The following SLC66A2 variants were observed in gnomAD, a reference collection of about 807,000 sequenced individuals.
SLC66A2 encodes PQ loop repeat containing 1.
Under a neutral mutation model 25.5 loss-of-function variants are expected in SLC66A2, and 23 were observed. The observed-to-expected ratio is 0.90, with a 90% CI of 0.65 to 1.28. The LOEUF is 1.28. Ranked by LOEUF, SLC66A2 falls within the 50% of genes most tolerant of loss-of-function variation. SLC66A2 has a pLI of 0.00. For synonymous variants in SLC66A2, 193 were observed against 166.5 expected, an observed-to-expected ratio of 1.16 and a Z score of -1.23; for missense variants, 396 against 373.1, an observed-to-expected ratio of 1.06 and a Z score of -0.51.
intron 2 of SLC66A2, among the ~76,000 whole-genome samples, chr18:79,946,092 C>T (rs1427709148): frequency 2.0e-5 from 3 of 152,124 alleles, no homozygotes; most frequent in Non-Finnish European, 2.9e-5. Flanking sequence ...GAGGAGGAGG[C>T]GGGTGAATCA....
At chr18:79,933,556 C>T (rs527720493) in intron 4 of SLC66A2, among the ~76,000 whole-genome samples, 3 of 152,176 alleles carry the variant, frequency 2.0e-5, no homozygotes, top group Non-Finnish European at 4.4e-5. Context: ...GATACAAGAT[C>T]AACATGCAAT....
Position 79,904,027 on chromosome 18 carries a change from G to A in SLC66A2, c.765C>T (p.Pro255=). ...LGQAYAFARH[P]QKPAPHAVHP... The stretch of plus-strand genomic sequence containing the variant: ...GCACGGCGTGGGGCGCCGGCTTCTG[G>A]GGGTGGCGGGCGAAGGCGTAGGCCT... The change falls in exon 6 of 6, where the codon CCC becomes CCT. Residue 255 remains proline (P), a synonymous_variant. Transcript: ENST00000397778. This position sits in a 1 kb window ranked among gnomAD's most constrained non-coding sequence, Gnocchi z 6.3. 1.9e-6 allele frequency: 3 copies of A among 1,606,084 alleles called. No homozygotes were observed. The highest frequency in any genetic ancestry group is 2.5e-6 in the Non-Finnish European group (3 of 1,177,104).
rs140188654 is a variant in SLC66A2, at chr18:79,940,511, T to C, written c.337+2818A>G. ...AAAGCTTAAAAAAAAAAACAGAACA[T>C]GTTCAGAGCCAACAACCTTCCCTTA... On this transcript the variant is annotated intron_variant, in intron 3 of 5. Coordinates refer to ENST00000397778, the MANE Select transcript of SLC66A2 (RefSeq NM_025078.5). The surrounding 1 kb of genome is among the most constrained non-coding windows in gnomAD (Gnocchi z 4.1). 1.3e-5 allele frequency among the ~76,000 whole-genome samples: 2 copies of C among 150,588 alleles called. No individual in the cohort carries two copies. Among genetic ancestry groups the C allele is most frequent in the East Asian group, 3.9e-4 (2 of 5,136 alleles).
At chr18:79,913,351 T>A (rs959580918) in intron 5 of SLC66A2, among the ~76,000 whole-genome samples, 1 of 152,150 alleles carries the variant, frequency 6.6e-6, no homozygotes, top group African/African-American at 2.4e-5. Context: ...CACCCTCCAA[T>A]CCTTGTCAGG....
intron 3 of SLC66A2, among the ~76,000 whole-genome samples, chr18:79,938,172 A>G (rs1417091877): frequency 6.6e-6 from 1 of 152,052 alleles, no homozygotes; most frequent in Non-Finnish European, 1.5e-5. Flanking sequence ...AAGAAAGAAA[A>G]AAGAAAAACC....
Position 79,928,270 on chromosome 18 carries a change from G to A in SLC66A2, c.391+5699C>T, listed in dbSNP as rs1461366958. ...GTTTTGGGCTACCTACTTCTAAAGA[G>A]GACTTCAGGACAGTTCCAGGAGTTC... On this transcript the variant is annotated intron_variant, in intron 4 of 5. Transcript: ENST00000397778. Among the ~76,000 whole-genome samples, 3 of 152,342 alleles carry A rather than the reference G, an allele frequency of 2.0e-5. No individual in the cohort carries two copies. In the East Asian group the frequency reaches 5.8e-4, roughly 29 times the overall value.
Position 79,941,903 on chromosome 18 carries a change from G to A in SLC66A2, c.337+1426C>T, listed in dbSNP as rs1387972251. The stretch of plus-strand genomic sequence containing the variant: ...AAATGTCCAGAGCCCGAGGACAGCA[G>A]AAACTCCCAGCAACGCACTGGGCAT... On this transcript the variant is annotated intron_variant, in intron 3 of 5. Transcript: ENST00000397778. This position sits in a 1 kb window ranked among gnomAD's most constrained non-coding sequence, Gnocchi z 4.1. Among the ~76,000 whole-genome samples, 1 of 151,796 alleles carries A rather than the reference G, an allele frequency of 6.6e-6. No homozygotes were observed. Among genetic ancestry groups the A allele is most frequent in the Non-Finnish European group, 1.5e-5 (1 of 67,968 alleles).
Position 79,940,072 on chromosome 18 carries a change from C to A in SLC66A2, c.337+3257G>T, listed in dbSNP as rs1240354948. Among the ~76,000 whole-genome samples the A allele has an allele frequency of 6.6e-6, 1 of 152,134 alleles. No homozygotes were observed. The highest frequency in any genetic ancestry group is 1.5e-5 in the Non-Finnish European group (1 of 68,046). On this transcript the variant is annotated intron_variant, in intron 3 of 5. Coordinates refer to ENST00000397778, the MANE Select transcript of SLC66A2 (RefSeq NM_025078.5). The surrounding 1 kb of genome is among the most constrained non-coding windows in gnomAD (Gnocchi z 4.1). The stretch of plus-strand genomic sequence containing the variant: ...GCCATAAAAGAGAACAAGATCGTAT[C>A]CTTTAGAGGAGCACAGATGGAGCTG...
chr18:79,924,174 G>C (rs1985640754), intron 4 of SLC66A2, among the ~76,000 whole-genome samples: 1 of 152,220 alleles, frequency 6.6e-6, no homozygotes, highest in Admixed American at 6.5e-5. Flanking sequence ...CACGAGGCGA[G>C]GCAGCTGAGA....
At chr18:79,939,352 C>T (rs950391091) in intron 3 of SLC66A2, among the ~76,000 whole-genome samples, 22 of 152,168 alleles carry the variant, frequency 1.4e-4, no homozygotes, top group Admixed American at 2.6e-4. Flanking sequence ...GGGTGAGGCT[C>T]AAGAATGTAC....
At chr18:79,950,597 C>T in intron 2 of SLC66A2, 127 bp downstream of exon 2, 1 of 852,092 alleles carries the variant, frequency 1.2e-6, no homozygotes, top group Non-Finnish European at 1.9e-6. Flanking sequence ...ACCCCATCCA[C>T]GGCAGAGTGG....
intron 2 of SLC66A2, 32 bp from the exon 3 acceptor site, chr18:79,943,494 T>A: frequency 6.3e-7 from 1 of 1,598,210 alleles, no homozygotes; most frequent in Non-Finnish European, 8.5e-7. Context: ...AGGAGGGAGG[T>A]CCACCCATGC....
chr18:79,912,775 T>C (rs1156919057), intron 5 of SLC66A2, among the ~76,000 whole-genome samples: 1 of 152,110 alleles, frequency 6.6e-6, no homozygotes, highest in African/African-American at 2.4e-5. Flanking sequence ...CACTTTGTAA[T>C]GTTCCAGAGC....
At chr18:79,906,842 G>T (rs1048093820) in intron 5 of SLC66A2, among the ~76,000 whole-genome samples, 3 of 152,146 alleles carry the variant, frequency 2.0e-5, no homozygotes, top group African/African-American at 7.2e-5. Flanking sequence ...CAGGCTCTGG[G>T]GTTCCATGCA....
In SLC66A2 at chr18:79,904,828, A is replaced by C. The variant is rs1011858518; in HGVS notation, c.609-645T>G. Among the ~76,000 whole-genome samples, 2 of 152,190 alleles carry C rather than the reference A, an allele frequency of 1.3e-5. No homozygotes were observed. The highest frequency in any genetic ancestry group is 1.5e-5 in the Non-Finnish European group (1 of 68,020). On this transcript the variant is annotated intron_variant, in intron 5 of 5. Coordinates refer to ENST00000397778, the MANE Select transcript of SLC66A2 (RefSeq NM_025078.5). The surrounding 1 kb of genome is among the most constrained non-coding windows in gnomAD (Gnocchi z 6.3). ...TGCCCTGGCTTGCCTAGCAGTGAACATGAGTGCTGCTGCACTTTCCCGTGT... is the reference window on the plus strand; with the variant it reads ...TGCCCTGGCTTGCCTAGCAGTGAACCTGAGTGCTGCTGCACTTTCCCGTGT...
In SLC66A2 at chr18:79,951,613, G is replaced by A. The variant is rs1021284056; in HGVS notation, c.-132C>T. The stretch of plus-strand genomic sequence containing the variant: ...CCCAGCCCCGCGCCCAGCGCCCCGC[G>A]TCCCCGCGCCGCTGACCCGCGCGCG... On this transcript the variant is annotated 5_prime_UTR_variant, in exon 1 of 6. It adds an upstream start codon to the 5' untranslated region. Coordinates refer to ENST00000397778, the MANE Select transcript of SLC66A2 (RefSeq NM_025078.5). 6.6e-6 allele frequency: 1 copy of A among 151,468 alleles called. No homozygotes were observed. The highest frequency in any genetic ancestry group is 2.4e-5 in the African/African-American group (1 of 41,262). 9.4% of individuals were successfully genotyped at this position (151,468 alleles called of 1,614,324 possible). A position where few individuals can be genotyped will look rare whatever the true frequency, so the allele number is the denominator to read the frequency against.
In SLC66A2 at chr18:79,904,941, A is replaced by G. The variant is rs910838678; in HGVS notation, c.609-758T>C. 1.3e-5 allele frequency among the ~76,000 whole-genome samples: 2 copies of G among 152,126 alleles called. No homozygotes were observed. Among genetic ancestry groups the G allele is most frequent in the African/African-American group, 4.8e-5 (2 of 41,450 alleles). ...GGTGGGGAGCGCTGCCTGGACAGAA[A>G]GGACAGGACACAGCCCTCCCCCACC... On this transcript the variant is annotated intron_variant, in intron 5 of 5. Coordinates refer to ENST00000397778, the MANE Select transcript of SLC66A2 (RefSeq NM_025078.5). This position sits in a 1 kb window ranked among gnomAD's most constrained non-coding sequence, Gnocchi z 6.3.
chr18:79,905,008 G>A (rs1232153707), intron 5 of SLC66A2, among the ~76,000 whole-genome samples: 2 of 152,166 alleles, frequency 1.3e-5, no homozygotes, highest in Non-Finnish European at 2.9e-5. Context: ...TGGGCACCTG[G>A]GTGCCGTAGC....
chr18:79,926,658 CTCT>C (rs1985988875), intron 4 of SLC66A2, among the ~76,000 whole-genome samples: 1 of 128,096 alleles, frequency 7.8e-6, no homozygotes, highest in Non-Finnish European at 1.8e-5. Flanking sequence ...GAGGAAATTG[CTCT>C]TTTTTTTTTT....
Sources: gnomAD v4.1 joint callset for allele counts (sites outside exome capture counted in the v4.1 genomes callset) on GRCh38, gnomAD v4.1.1 for gene constraint, Gnocchi (gnomAD v3.1) non-coding constraint, MANE v1.5 for transcripts, NCBI Gene and HGNC (gene_info 2026-07-23, HGNC 2026-07-21) for gene names.